Variants in CXXC5 observed in about 807,000 individuals in gnomAD.
CXXC5 encodes CXXC finger protein 5, also known as CXXC-type zinc finger protein 5.
A neutral mutation model predicts 17.6 loss-of-function variants in CXXC5; 2 were observed. That is an observed-to-expected ratio of 0.11 (90% CI 0.05 to 0.36). The LOEUF is 0.36. Ranked by LOEUF, CXXC5 falls within the 10% of genes least tolerant of loss-of-function variation. The pLI, the probability that CXXC5 is intolerant of heterozygous loss-of-function variation, is 1.00. For missense variants in CXXC5, 343 were observed against 458.3 expected, an observed-to-expected ratio of 0.75 and a Z score of 2.30; for synonymous variants, 171 against 193.0, an observed-to-expected ratio of 0.89 and a Z score of 0.94.
chr5:139,674,934 C>T (rs1756696069), intron 1 of CXXC5, among the ~76,000 whole-genome samples: 1 of 152,226 alleles, frequency 6.6e-6, no homozygotes, highest in African/African-American at 2.4e-5. Flanking sequence ...TTCTTCCCCA[C>T]CTGCTTAGGC....
chr5:139,667,915 G>C (rs1191913875), intron 1 of CXXC5, among the ~76,000 whole-genome samples: 1 of 152,132 alleles, frequency 6.6e-6, no homozygotes, highest in African/African-American at 2.4e-5. Context: ...CAGCAGCTGC[G>C]GTGGCTCCAG....
At chr5:139,660,860 CCCCACCCA>C (rs1178863892) in intron 1 of CXXC5, among the ~76,000 whole-genome samples, 2 of 136,518 alleles carry the variant, frequency 1.5e-5, no homozygotes, top group Admixed American at 1.4e-4. Context: ...AATATCCTCC[CCCCACCCA>C]CCCACCCACT....
At chr5:139,660,811 CACAG>C (rs1755759203) in intron 1 of CXXC5, among the ~76,000 whole-genome samples, 1 of 152,054 alleles carries the variant, frequency 6.6e-6, no homozygotes, top group African/African-American at 2.4e-5. Context: ...GGGGGGAGTA[CACAG>C]ACAGAGGCCT....
At chr5:139,681,891 A>G (rs1757258446) in intron 2 of CXXC5, among the ~76,000 whole-genome samples, 1 of 152,088 alleles carries the variant, frequency 6.6e-6, no homozygotes, top group South Asian at 2.1e-4. Context: ...TAAGCCCTTC[A>G]TTTGCCCCTC....
At chr5:139,677,178 G>A (rs1345846728) in intron 1 of CXXC5, among the ~76,000 whole-genome samples, 1 of 152,020 alleles carries the variant, frequency 6.6e-6, no homozygotes, top group East Asian at 1.9e-4. Flanking sequence ...TTGGGGGCTG[G>A]ATGTGTTCCT....
intron 1 of CXXC5, among the ~76,000 whole-genome samples, chr5:139,673,439 A>G (rs1397194446): frequency 6.6e-6 from 1 of 152,230 alleles, no homozygotes; most frequent in Non-Finnish European, 1.5e-5. Flanking sequence ...CAGGCATCTC[A>G]GTCCCTAGAG....
chr5:139,665,266 G>A (rs971183420), intron 1 of CXXC5, among the ~76,000 whole-genome samples: 10 of 152,258 alleles, frequency 6.6e-5, no homozygotes, highest in Non-Finnish European at 8.8e-5. Context: ...AAATTAGAAC[G>A]CCGCAGCCGC....
chr5:139,677,154 C>T (rs538974488), intron 1 of CXXC5, among the ~76,000 whole-genome samples: 15 of 152,052 alleles, frequency 9.9e-5, no homozygotes, highest in Non-Finnish European at 1.2e-4. Context: ...CCTCCTCAGG[C>T]GCAGTATTTC....
intron 2 of CXXC5, among the ~76,000 whole-genome samples, chr5:139,682,087 G>A (rs542704392): frequency 3.0e-4 from 46 of 152,276 alleles, no homozygotes; most frequent in South Asian, 2.9e-3. Flanking sequence ...TTGGCTTGGA[G>A]AAGGCAAGGG....
chr5:139,657,406 C>T (rs1299890652), intron 1 of CXXC5, among the ~76,000 whole-genome samples: 1 of 152,208 alleles, frequency 6.6e-6, no homozygotes, highest in Non-Finnish European at 1.5e-5. Context: ...GCCCCCATAA[C>T]CCTTGGCAAT....
intron 1 of CXXC5, among the ~76,000 whole-genome samples, chr5:139,673,305 C>A (rs1581610798): frequency 1.3e-5 from 2 of 152,128 alleles, no homozygotes; most frequent in Admixed American, 1.3e-4. Context: ...TCTCAGAGGC[C>A]AGTTTTTTCC....
At chr5:139,659,930 G>C (rs1755696088) in intron 1 of CXXC5, among the ~76,000 whole-genome samples, 1 of 152,238 alleles carries the variant, frequency 6.6e-6, no homozygotes. Context: ...GGCGCAGCAG[G>C]CTCAGAACAG....
intron 1 of CXXC5, among the ~76,000 whole-genome samples, chr5:139,660,548 A>C (rs1457429212): frequency 6.6e-6 from 1 of 152,104 alleles, no homozygotes; most frequent in East Asian, 1.9e-4. Flanking sequence ...TTTGTGGTCT[A>C]CACTCCAAAA....
rs1023034275 is a variant in CXXC5, at chr5:139,659,278, G to A, written c.-161+10433G>A. ...TGAGGTGGGGGGAGGTAAGGAGCCG[G>A]CCAGTGAGGCGCGGTGTCCAGCGGA... On this transcript the variant is annotated intron_variant, in intron 1 of 2. Coordinates refer to ENST00000302517, the MANE Select transcript of CXXC5 (RefSeq NM_016463.9). Among the ~76,000 whole-genome samples the A allele has an allele frequency of 2.3e-4, 35 of 152,164 alleles. 1 individual carries two copies.
At chr5:139,648,343 C>CGCGGCG (rs1338819050), upstream of CXXC5, 2 of 157,636 alleles carry the variant, frequency 1.3e-5, no homozygotes, top group African/African-American at 4.8e-5. Context: ...CGGGCGGGCG[C>CGCGGCG]GCGGCGGCGG....
Position 139,683,562 on chromosome 5 carries a change from C to T in CXXC5, c.*655C>T, listed in dbSNP as rs1328410169. On this transcript the variant is annotated 3_prime_UTR_variant, in exon 3 of 3. Coordinates refer to ENST00000302517, the MANE Select transcript of CXXC5 (RefSeq NM_016463.9). The stretch of plus-strand genomic sequence containing the variant: ...ACAGTCCCGAGACTGGGATCCCCCA[C>T]CCCAACAGTGATTTTGGAAAAAAAA... 1.3e-5 allele frequency: 2 copies of T among 152,520 alleles called. No individual in the cohort carries two copies. The highest frequency in any genetic ancestry group is 1.3e-4 in the Admixed American group (2 of 15,304). 9.4% of individuals were successfully genotyped at this position (152,520 alleles called of 1,614,324 possible). A position where few individuals can be genotyped will look rare whatever the true frequency, so the allele number is the denominator to read the frequency against.
At chr5:139,664,341 C>T (rs1315066438) in intron 1 of CXXC5, among the ~76,000 whole-genome samples, 1 of 152,136 alleles carries the variant, frequency 6.6e-6, no homozygotes, top group Non-Finnish European at 1.5e-5. Flanking sequence ...TCCTCCACCC[C>T]CTCCCCAGGG....
At position 139,663,036 on chromosome 5, in the gene CXXC5, G is replaced by A. The variant is rs1755910876; in HGVS notation, c.-161+14191G>A. 6.6e-6 allele frequency among the ~76,000 whole-genome samples: 1 copy of A among 152,116 alleles called. No homozygotes were observed. Among genetic ancestry groups the A allele is most frequent in the Non-Finnish European group, 1.5e-5 (1 of 68,024 alleles). ...TCCCACAACAAGGGCTCCTTAATTA[G>A]AATGTCTTGGATTTAGCCTTCTCTA... On this transcript the variant is annotated intron_variant, in intron 1 of 2. Coordinates refer to ENST00000302517, the MANE Select transcript of CXXC5 (RefSeq NM_016463.9). This position sits in a 1 kb window ranked among gnomAD's most constrained non-coding sequence, Gnocchi z 4.2.
chr5:139,656,532 T>C (rs1755506305), intron 1 of CXXC5, among the ~76,000 whole-genome samples: 1 of 152,218 alleles, frequency 6.6e-6, no homozygotes, highest in African/African-American at 2.4e-5. Context: ...CCGTGCCTCC[T>C]GTCATTGATC....
Sources: allele counts gnomAD v4.1 joint callset (sites outside exome capture counted in the v4.1 genomes callset), GRCh38; gene constraint gnomAD v4.1.1; non-coding constraint Gnocchi (gnomAD v3.1); transcripts MANE v1.5; gene names NCBI Gene and HGNC (gene_info 2026-07-23, HGNC 2026-07-21).